SIL1: variants seen among roughly 807,000 people sequenced by gnomAD.
The protein encoded by SIL1 is SIL1 nucleotide exchange factor.
Under a neutral mutation model 49.1 loss-of-function variants are expected in SIL1, and 40 were observed. The observed-to-expected ratio is 0.81, with a 90% CI of 0.63 to 1.06. The LOEUF is 1.06. Among genes scored for constraint, SIL1 ranks in the 50% least tolerant of loss-of-function variants. SIL1 has a pLI of 0.00. For synonymous variants in SIL1, 253 were observed against 250.8 expected (o/e 1.01, Z -0.08); for missense variants, 500 against 572.6 (o/e 0.87, Z 1.29).
intron 3 of SIL1, among the ~76,000 whole-genome samples, chr5:139,069,725 GGA>G (rs1197226747): frequency 2.6e-5 from 4 of 152,084 alleles, no homozygotes; most frequent in Admixed American, 2.6e-4. Flanking sequence ...TAAAATAATT[GGA>G]TTTTAAAGGC....
At chr5:139,027,304 A>G (rs1768679806) in intron 5 of SIL1, among the ~76,000 whole-genome samples, 1 of 152,212 alleles carries the variant, frequency 6.6e-6, no homozygotes, top group Non-Finnish European at 1.5e-5. Context: ...AGGGGAAGTA[A>G]TGCAAGTTCA....
At chr5:138,991,962 T>G (rs1767769250) in intron 7 of SIL1, among the ~76,000 whole-genome samples, 2 of 152,256 alleles carry the variant, frequency 1.3e-5, no homozygotes, top group South Asian at 4.1e-4. Flanking sequence ...GTCAGAGCTC[T>G]CTTTCAGGTT....
chr5:139,174,937 CAAAAAAA>C (rs56959325), intron 1 of SIL1, among the ~76,000 whole-genome samples: 7 of 59,844 alleles, frequency 1.2e-4, no homozygotes, highest in African/African-American at 3.2e-4. Context: ...GACTGTGTCT[CAAAAAAA>C]AAAAAAAAAA....
chr5:139,053,179 A>T (rs145420369), intron 3 of SIL1, among the ~76,000 whole-genome samples: 1,919 of 152,224 alleles, frequency 0.013, 36 homozygotes, highest in African/African-American at 0.043. Context: ...GATGAATGCT[A>T]AACAAGACAA....
At chr5:138,988,749 T>A (rs755396929) in intron 7 of SIL1, among the ~76,000 whole-genome samples, 9 of 152,276 alleles carry the variant, frequency 5.9e-5, no homozygotes, top group Admixed American at 1.3e-4. Context: ...GGTACGTACC[T>A]GTGGTCCCAG....
At chr5:139,054,575 G>T (rs115890752) in intron 3 of SIL1, among the ~76,000 whole-genome samples, 3,238 of 152,098 alleles carry the variant, frequency 0.021, 104 homozygotes, top group African/African-American at 0.074. Flanking sequence ...AGTAATAATG[G>T]TACTAATACT....
At chr5:139,169,718 T>A (rs1453955744) in intron 1 of SIL1, among the ~76,000 whole-genome samples, 1 of 151,940 alleles carries the variant, frequency 6.6e-6, no homozygotes, top group East Asian at 1.9e-4. Flanking sequence ...CCTGACCTCA[T>A]GATCCACCCA....
intron 7 of SIL1, among the ~76,000 whole-genome samples, chr5:138,973,243 G>A (rs1414863766): frequency 6.7e-6 from 1 of 149,550 alleles, no homozygotes; most frequent in Non-Finnish European, 1.5e-5. Flanking sequence ...AGAATAAAGT[G>A]GCCCAGAGAA....
intron 3 of SIL1, among the ~76,000 whole-genome samples, chr5:139,060,929 T>C (rs1769573430): frequency 6.6e-6 from 1 of 151,722 alleles, no homozygotes; most frequent in Non-Finnish European, 1.5e-5. Context: ...AGGTAAGAAA[T>C]AGTGATCAGG....
rs537647261 is a variant in SIL1, at chr5:138,951,214, G to C, written c.986C>G (p.Ala329Gly). ...LVQEKGTEVL[A>G]VRVVTLLYDL... ...GTAGAGCAGTGTGACCACGCGCACG[G>C]CGAGCACCTCCGTGCCCTTCTCCTG... Residue 329 changes from alanine to glycine, a missense_variant, in exon 9 of 10, where the codon GCC becomes GGC. Ala to Gly is a moderately conservative substitution (Grantham distance 60). Transcript: ENST00000394817. The C allele has an allele frequency of 3.7e-6, 6 of 1,609,772 alleles. No individual in the cohort carries two copies. The East Asian group carries it at 1.3e-4, about 36-fold the overall frequency.
intron 7 of SIL1, among the ~76,000 whole-genome samples, chr5:138,998,066 A>C (rs931374679): frequency 3.9e-5 from 6 of 152,214 alleles, no homozygotes; most frequent in African/African-American, 1.4e-4. Flanking sequence ...TCATTTTAAC[A>C]ATATTAATTA....
Position 138,947,400 on chromosome 5 carries a change from T to A in SIL1, c.1103A>T (p.His368Leu), listed in dbSNP as rs904855672. 3.7e-6 allele frequency: 6 copies of A among 1,613,384 alleles called. No homozygotes were observed. Among genetic ancestry groups the A allele is most frequent in the Non-Finnish European group, 5.1e-6 (6 of 1,179,964 alleles). ...CTGTTCCCACAGGCCTGGCAGGAGG[T>A]GTACCTGGCGATACTGCTGCAGCTT... ...PEKLQQYRQV[H>L]LLPGLWEQGW... Residue 368 changes from histidine (H) to leucine (L), a missense_variant, in exon 10 of 10, where the codon CAC becomes CTC. His to Leu is a moderately conservative substitution (Grantham distance 99). Coordinates refer to ENST00000394817, the MANE Select transcript of SIL1 (RefSeq NM_022464.5). This position sits in a 1 kb window ranked among gnomAD's most constrained non-coding sequence, Gnocchi z 4.1.
intron 1 of SIL1, among the ~76,000 whole-genome samples, chr5:139,130,490 T>C (rs758112634): frequency 1.1e-4 from 16 of 151,966 alleles, no homozygotes; most frequent in Non-Finnish European, 2.4e-4. Context: ...CAAGTGTTGG[T>C]GAAGATGTGG....
At chr5:139,093,089 G>C (rs1268123637) in intron 3 of SIL1, among the ~76,000 whole-genome samples, 1 of 152,118 alleles carries the variant, frequency 6.6e-6, no homozygotes, top group Non-Finnish European at 1.5e-5. Flanking sequence ...TTGAGCCCAG[G>C]AGTCCAGCCC....
At chr5:139,070,731 G>A (rs1486851818) in intron 3 of SIL1, among the ~76,000 whole-genome samples, 1 of 152,034 alleles carries the variant, frequency 6.6e-6, no homozygotes, top group Non-Finnish European at 1.5e-5. Flanking sequence ...TTGAACCTGT[G>A]AGTTTGTAAA....
At chr5:139,110,560 T>C (rs762783607) in intron 3 of SIL1, among the ~76,000 whole-genome samples, 28 of 152,348 alleles carry the variant, frequency 1.8e-4, no homozygotes, top group Middle Eastern at 6.8e-3. Context: ...CAACAACTTA[T>C]GAGTTTATGA....
chr5:138,978,058 A>G (rs1219208864), intron 7 of SIL1, among the ~76,000 whole-genome samples: 2 of 152,224 alleles, frequency 1.3e-5, no homozygotes, highest in African/African-American at 2.4e-5. Flanking sequence ...CTGACTTAAA[A>G]ATGCTTTATT....
chr5:139,023,126 A>G (rs1365597285), intron 6 of SIL1, among the ~76,000 whole-genome samples: 2 of 152,250 alleles, frequency 1.3e-5, no homozygotes, highest in African/African-American at 2.4e-5. Flanking sequence ...GCAGACATTT[A>G]TATAAGCACT....
chr5:139,051,188 T>C (rs1157909620), intron 3 of SIL1, 142 bp from the exon 4 acceptor site: 9 of 730,186 alleles, frequency 1.2e-5, no homozygotes, highest in African/African-American at 1.2e-4. Flanking sequence ...CACCCATCCC[T>C]CTCCCTTGAA....
Sources: gnomAD v4.1 joint callset for allele counts (sites outside exome capture counted in the v4.1 genomes callset) on GRCh38, gnomAD v4.1.1 for gene constraint, Gnocchi (gnomAD v3.1) non-coding constraint, MANE v1.5 for transcripts, NCBI Gene and HGNC (gene_info 2026-07-23, HGNC 2026-07-21) for gene names.